Variants in BAZ2B observed in about 807,000 individuals in gnomAD.
BAZ2B encodes bromodomain adjacent to zinc finger domain 2B, also known as bromodomain adjacent to zinc finger domain protein 2B.
A neutral mutation model predicts 246.0 loss-of-function variants in BAZ2B; 91 were observed. The observed-to-expected ratio is 0.37, with a 90% CI of 0.31 to 0.44. BAZ2B has a LOEUF of 0.44. Ranked by LOEUF, BAZ2B falls within the 20% of genes least tolerant of loss-of-function variation. The probability of loss-of-function intolerance (pLI) is 1.00; values close to 1 mark genes in which losing one functional copy is unlikely to be tolerated. For missense variants in BAZ2B, 2,332 were observed against 2,533.7 expected, an observed-to-expected ratio of 0.92 and a Z score of 1.71; for synonymous variants, 855 against 860.0, an observed-to-expected ratio of 0.99 and a Z score of 0.10.
intron 2 of BAZ2B, among the ~76,000 whole-genome samples, chr2:159,515,089 T>G (rs1484058174): frequency 1.3e-5 from 2 of 152,020 alleles, no homozygotes; most frequent in African/African-American, 4.8e-5. Context: ...TTCTATAACA[T>G]TCTTCAGTAA....
At chr2:159,399,994 T>C (rs543492481) in intron 17 of BAZ2B, among the ~76,000 whole-genome samples, 1 of 152,310 alleles carries the variant, frequency 6.6e-6, no homozygotes, top group African/African-American at 2.4e-5. Context: ...GTTTTGAAAA[T>C]TGCTTGCTAT....
the BAZ2B span, among the ~76,000 whole-genome samples, chr2:159,667,094 A>AT: frequency 2.1e-5 from 1 of 47,150 alleles, no homozygotes; most frequent in African/African-American, 6.6e-5. Context: ...TTAAAGTATA[A>AT]TAAAAAAAAA....
At chr2:159,395,721 A>G (rs757993637) in intron 20 of BAZ2B, 48 bp downstream of exon 20, 56 of 1,463,394 alleles carry the variant, frequency 3.8e-5, no homozygotes, top group Non-Finnish European at 5.2e-5. Context: ...TGCTTTAGGA[A>G]AAAGCATTAC....
In BAZ2B at chr2:159,320,341, G is replaced by C; in HGVS notation, c.6431C>G (p.Ser2144Cys). Residue 2144 changes from serine to cysteine, a missense_variant, in exon 37 of 37, where the codon TCT becomes TGT. By Grantham distance (112) the Ser-to-Cys change is moderately radical. Coordinates refer to ENST00000392783, the MANE Select transcript of BAZ2B (RefSeq NM_013450.4). The part of the protein sequence containing the change: ...DNCETFNEDD[S>C]DIGRAGHNMR... ...ATTGTGGCCAGCTCTGCCTATATCAGAATCATCTTCATTAAATGTTTCACA... is the reference window on the plus strand; with the variant it reads ...ATTGTGGCCAGCTCTGCCTATATCACAATCATCTTCATTAAATGTTTCACA... The C allele has an allele frequency of 1.3e-6, 2 of 1,583,078 alleles. No individual in the cohort carries two copies. Among genetic ancestry groups the C allele is most frequent in the Non-Finnish European group, 1.7e-6 (2 of 1,171,858 alleles).
At chr2:159,423,038 G>A (rs1023380167) in intron 13 of BAZ2B, among the ~76,000 whole-genome samples, 2 of 152,058 alleles carry the variant, frequency 1.3e-5, no homozygotes, top group Non-Finnish European at 2.9e-5. Flanking sequence ...ATTGTTGGCC[G>A]GGTGTGGTGG....
chr2:159,603,975 G>T (rs547104054), intron 1 of BAZ2B, among the ~76,000 whole-genome samples: 1 of 152,078 alleles, frequency 6.6e-6, no homozygotes, highest in Admixed American at 6.6e-5. Flanking sequence ...GCATATAGTA[G>T]CCTGTGAATA....
chr2:159,332,846 C>T, intron 33 of BAZ2B, 160 bp from the exon 34 acceptor site: 6 of 780,640 alleles, frequency 7.7e-6, no homozygotes, highest in Non-Finnish European at 1.2e-5. Context: ...TTTCGTTACA[C>T]AGATATGGAC....
At chr2:159,676,254 A>C in the BAZ2B span, among the ~76,000 whole-genome samples, 1 of 151,654 alleles carries the variant, frequency 6.6e-6, no homozygotes, top group Non-Finnish European at 1.5e-5. Context: ...GCTGGTCTTG[A>C]ACTCCTGAAC....
At chr2:159,533,936 C>T (rs933970969) in intron 2 of BAZ2B, among the ~76,000 whole-genome samples, 4 of 152,108 alleles carry the variant, frequency 2.6e-5, no homozygotes, top group Admixed American at 6.5e-5. Flanking sequence ...ACATTTCTAA[C>T]GAAAGCTAAA....
At chr2:159,584,611 G>C (rs1167631458) in intron 1 of BAZ2B, among the ~76,000 whole-genome samples, 1 of 152,178 alleles carries the variant, frequency 6.6e-6, no homozygotes, top group Non-Finnish European at 1.5e-5. Flanking sequence ...ACAATTTGTT[G>C]ACGCCTTATA....
chr2:159,451,239 A>C (rs1219405963), intron 4 of BAZ2B, among the ~76,000 whole-genome samples: 1 of 152,230 alleles, frequency 6.6e-6, no homozygotes, highest in Non-Finnish European at 1.5e-5. Flanking sequence ...ATTTCAATAT[A>C]AAATGGAAAT....
chr2:159,657,681 G>T, the BAZ2B span, among the ~76,000 whole-genome samples: 1 of 152,128 alleles, frequency 6.6e-6, no homozygotes, highest in Non-Finnish European at 1.5e-5. Context: ...TACATACTTT[G>T]TCAGATTTAT....
At chr2:159,608,499 C>A (rs1176052836) in intron 1 of BAZ2B, among the ~76,000 whole-genome samples, 2 of 152,154 alleles carry the variant, frequency 1.3e-5, no homozygotes, top group Non-Finnish European at 2.9e-5. Context: ...GCATTTTAGT[C>A]AAAAACTAAG....
the BAZ2B span, among the ~76,000 whole-genome samples, chr2:159,669,257 T>G: frequency 2.6e-5 from 4 of 152,214 alleles, no homozygotes; most frequent in African/African-American, 9.6e-5. Context: ...TTTGGTATTT[T>G]CCTATCTTAC....
intron 13 of BAZ2B, among the ~76,000 whole-genome samples, chr2:159,423,343 A>T (rs2069136369): frequency 6.6e-6 from 1 of 152,078 alleles, no homozygotes; most frequent in Admixed American, 6.5e-5. Context: ...AAGAATGGCT[A>T]TTATTAAAAT....
the BAZ2B span, among the ~76,000 whole-genome samples, chr2:159,645,310 T>A: frequency 3.3e-5 from 5 of 152,034 alleles, no homozygotes; most frequent in East Asian, 9.7e-4. Context: ...CTCTGCTAAA[T>A]ACCCAATTTC....
chr2:159,350,780 C>G (rs2058466820), intron 27 of BAZ2B, among the ~76,000 whole-genome samples: 1 of 152,136 alleles, frequency 6.6e-6, no homozygotes, highest in African/African-American at 2.4e-5. Context: ...ACCATGTTAG[C>G]CAGGCTGGTC....
intron 25 of BAZ2B, among the ~76,000 whole-genome samples, chr2:159,378,712 A>C (rs1397161052): frequency 6.6e-6 from 1 of 152,196 alleles, no homozygotes; most frequent in Non-Finnish European, 1.5e-5. Flanking sequence ...CAACATCACT[A>C]ATCAGGGAAA....
rs1470672162 is a variant in BAZ2B, at chr2:159,432,805, C to G, written c.1852G>C (p.Glu618Gln). The G allele has an allele frequency of 3.1e-6, 5 of 1,613,668 alleles. No homozygotes were observed. The highest frequency in any genetic ancestry group is 4.2e-6 in the Non-Finnish European group (5 of 1,179,732). Reference sequence around the variant, plus strand: ...TCATCTTCATCATCTTCCTCATCTTCTTCTTCATCATCTTCCTCTTCATCC... The same window carrying G: ...TCATCTTCATCATCTTCCTCATCTTGTTCTTCATCATCTTCCTCTTCATCC... ...NEDEEEDDEE[E>Q]DEEDDEDDES... The change falls in exon 9 of 37, where the codon GAA becomes CAA. Residue 618 changes from glutamate (E) to glutamine (Q), a missense_variant. By Grantham distance (29) the Glu-to-Gln change is conservative (BLOSUM62 2). This residue lies in a region of BAZ2B where 651 missense variants were observed against 650.9 expected (regional missense o/e 1.00). Coordinates refer to ENST00000392783, the MANE Select transcript of BAZ2B (RefSeq NM_013450.4).
Sources: gnomAD v4.1 joint callset for allele counts (sites outside exome capture counted in the v4.1 genomes callset) on GRCh38, gnomAD v4.1.1 for gene constraint, gnomAD v4.1.1 regional missense constraint, MANE v1.5 for transcripts, NCBI Gene and HGNC (gene_info 2026-07-23, HGNC 2026-07-21) for gene names.